FAM13A: variants seen among roughly 807,000 people sequenced by gnomAD.
FAM13A encodes the protein protein FAM13A.
Under a neutral mutation model 129.6 loss-of-function variants are expected in FAM13A, and 76 were observed. That is an observed-to-expected ratio of 0.59 (90% CI 0.49 to 0.71). FAM13A has a LOEUF of 0.71. Among genes scored for constraint, FAM13A ranks in the 30% least tolerant of loss-of-function variants. The pLI is 0.00. For missense variants in FAM13A, 1,108 were observed against 1,249.3 expected, an observed-to-expected ratio of 0.89 and a Z score of 1.70; for synonymous variants, 443 against 449.9, an observed-to-expected ratio of 0.98 and a Z score of 0.20.
At chr4:88,745,241 A>G (rs1741074167) in intron 19 of FAM13A, among the ~76,000 whole-genome samples, 2 of 152,114 alleles carry the variant, frequency 1.3e-5, no homozygotes, top group Admixed American at 1.3e-4. Flanking sequence ...TATATAGACA[A>G]AGCACCAAGG....
In FAM13A at chr4:88,892,264, C is replaced by T. The variant is rs1745468000; in HGVS notation, c.843+14115G>A. Among the ~76,000 whole-genome samples the T allele has an allele frequency of 6.0e-5, 9 of 150,802 alleles. No homozygotes were observed. The South Asian group carries it at 1.9e-3, about 32-fold the overall frequency. ...GCGAGATCTCGGCTCACTGCAAGCTCCACCTCCCGGGTTCACACCATTCTA... is the reference window on the plus strand; with the variant it reads ...GCGAGATCTCGGCTCACTGCAAGCTTCACCTCCCGGGTTCACACCATTCTA... On this transcript the variant is annotated intron_variant, in intron 6 of 23. Coordinates refer to ENST00000264344, the MANE Select transcript of FAM13A (RefSeq NM_014883.4).
At chr4:88,991,427 G>C (rs1762910872) in intron 3 of FAM13A, among the ~76,000 whole-genome samples, 1 of 152,054 alleles carries the variant, frequency 6.6e-6, no homozygotes, top group Non-Finnish European at 1.5e-5. Context: ...AACAGGGAGA[G>C]ACTCCGTCTC....
intron 1 of FAM13A, among the ~76,000 whole-genome samples, chr4:89,036,639 A>C (rs1579876634): frequency 6.6e-6 from 1 of 152,082 alleles, no homozygotes; most frequent in Non-Finnish European, 1.5e-5. Context: ...GACAATGGGG[A>C]AAATGTCTCA....
intron 6 of FAM13A, among the ~76,000 whole-genome samples, chr4:88,851,807 C>T (rs951395945): frequency 9.9e-5 from 15 of 152,098 alleles, no homozygotes; most frequent in Admixed American, 7.2e-4. Context: ...AAATGAATCC[C>T]GGGGGTACTG....
intron 4 of FAM13A, among the ~76,000 whole-genome samples, chr4:88,979,715 T>C (rs1761409996): frequency 1.3e-5 from 2 of 152,190 alleles, no homozygotes; most frequent in South Asian, 4.1e-4. Context: ...GGCTCACCCC[T>C]GTAATCCCAG....
Position 88,750,424 on chromosome 4 carries a change from C to T in FAM13A, c.1940G>A (p.Arg647Lys). The change falls in exon 15 of 24, where the codon AGG (arginine) becomes AAG (lysine). Residue 647 changes from arginine (R) to lysine (K), a missense_variant and splice_region_variant. By Grantham distance (26) the Arg-to-Lys change is conservative. This residue lies in a region of FAM13A where 529 missense variants were observed against 621.2 expected (regional missense o/e 0.85). Transcript: ENST00000264344. Reference sequence around the variant, plus strand: ...CTATCAGCAACACAGAGAAACATACCTCATGAAAGAATGGGAGTTTGGTGG... The same window carrying T: ...CTATCAGCAACACAGAGAAACATACTTCATGAAAGAATGGGAGTTTGGTGG... Reference protein sequence around the residue: ...PSPPNSHSFMRRRSSSLGSYD... With the variant: ...PSPPNSHSFMKRRSSSLGSYD... 6.2e-7 allele frequency: 1 copy of T among 1,611,684 alleles called. No homozygotes were observed. The highest frequency in any genetic ancestry group is 1.1e-5 in the South Asian group (1 of 91,038).
chr4:88,731,589 C>T (rs770888866), intron 22 of FAM13A, 161 bp from the exon 23 acceptor site: 9 of 537,312 alleles, frequency 1.7e-5, no homozygotes, highest in South Asian at 5.6e-5. Flanking sequence ...TTTTCCATTT[C>T]CTGAAAGCCA....
chr4:88,889,319 C>A (rs547697999), intron 6 of FAM13A, among the ~76,000 whole-genome samples: 1 of 151,906 alleles, frequency 6.6e-6, no homozygotes, highest in African/African-American at 2.4e-5. Context: ...ACAGGCAATT[C>A]GTCTTTTTAT....
chr4:88,925,290 G>C (rs1414193292), intron 5 of FAM13A, among the ~76,000 whole-genome samples: 6 of 152,100 alleles, frequency 3.9e-5, no homozygotes, highest in Non-Finnish European at 8.8e-5. Flanking sequence ...CAATAGCAAA[G>C]ACTTGGAACC....
intron 11 of FAM13A, among the ~76,000 whole-genome samples, chr4:88,770,164 C>T (rs970982895): frequency 1.3e-5 from 2 of 152,160 alleles, no homozygotes; most frequent in African/African-American, 4.8e-5. Context: ...AAAATTACAA[C>T]ATTCAATTAT....
intron 3 of FAM13A, among the ~76,000 whole-genome samples, chr4:88,992,556 A>G (rs1316912357): frequency 1.3e-5 from 2 of 152,134 alleles, no homozygotes; most frequent in African/African-American, 4.8e-5. Flanking sequence ...TTCTTTAACA[A>G]TATCTAACAT....
chr4:89,033,814 A>C (rs1279605534), intron 1 of FAM13A, among the ~76,000 whole-genome samples: 1 of 152,216 alleles, frequency 6.6e-6, no homozygotes, highest in East Asian at 1.9e-4. Flanking sequence ...AATGTCTCTC[A>C]AAAATAAACA....
chr4:89,056,790 A>G, intron 1 of FAM13A, 148 bp downstream of exon 1: 2 of 745,690 alleles, frequency 2.7e-6, no homozygotes, highest in Non-Finnish European at 4.4e-6. Context: ...TACCCATTTA[A>G]GTAGATAGGA....
chr4:88,840,884 A>G (rs1441061950), intron 7 of FAM13A, among the ~76,000 whole-genome samples: 1 of 152,186 alleles, frequency 6.6e-6, no homozygotes, highest in East Asian at 1.9e-4. Flanking sequence ...ATTCCATGGG[A>G]AAATAATATT....
intron 8 of FAM13A, among the ~76,000 whole-genome samples, chr4:88,804,146 C>T (rs755393474): frequency 6.6e-6 from 1 of 151,424 alleles, no homozygotes; most frequent in Non-Finnish European, 1.5e-5. Context: ...CCCAGCTACT[C>T]GGGAGGCTGA....
At chr4:88,891,925 C>T (rs62310471) in intron 6 of FAM13A, among the ~76,000 whole-genome samples, 4,927 of 152,146 alleles carry the variant, frequency 0.032, 111 homozygotes, top group Non-Finnish European at 0.055. Context: ...GCCTGTAATC[C>T]CAGCACTTTG....
At chr4:88,798,165 C>T (rs1355470461) in intron 8 of FAM13A, among the ~76,000 whole-genome samples, 1 of 152,132 alleles carries the variant, frequency 6.6e-6, no homozygotes, top group Non-Finnish European at 1.5e-5. Flanking sequence ...ATCTATAATG[C>T]CTACTTAGGT....
chr4:88,774,250 T>C (rs1037740625), intron 11 of FAM13A, among the ~76,000 whole-genome samples: 1 of 152,216 alleles, frequency 6.6e-6, no homozygotes. Flanking sequence ...CCATCCTCTT[T>C]ACCCTGCCTT....
At chr4:89,047,151 A>T (rs1770963660) in intron 1 of FAM13A, among the ~76,000 whole-genome samples, 1 of 152,192 alleles carries the variant, frequency 6.6e-6, no homozygotes, top group South Asian at 2.1e-4. Context: ...ATATACTGTT[A>T]TCGGGGGTGG....
Sources: allele counts gnomAD v4.1 joint callset (sites outside exome capture counted in the v4.1 genomes callset), GRCh38; gene constraint gnomAD v4.1.1; regional missense constraint gnomAD v4.1.1; transcripts MANE v1.5; gene names NCBI Gene and HGNC (gene_info 2026-07-23, HGNC 2026-07-21).